RACGAP1: variants seen among roughly 807,000 people sequenced by gnomAD.
The protein encoded by RACGAP1 is Rac GTPase activating protein 1, also known as rac GTPase-activating protein 1.
In RACGAP1, 30 loss-of-function variants were observed where a neutral mutation model predicts 78.1. The observed-to-expected ratio is 0.38, with a 90% CI of 0.29 to 0.52. RACGAP1 has a LOEUF of 0.52. Among genes scored for constraint, RACGAP1 ranks in the 20% least tolerant of loss-of-function variants. The pLI, the probability that RACGAP1 is intolerant of heterozygous loss-of-function variation, is 0.82. For missense variants in RACGAP1, 587 were observed against 777.1 expected (o/e 0.76, Z 2.91); for synonymous variants, 231 against 264.8 (o/e 0.87, Z 1.24).
intron 1 of RACGAP1, among the ~76,000 whole-genome samples, chr12:50,022,373 G>C (rs569310125): frequency 1.8e-4 from 28 of 152,120 alleles, no homozygotes; most frequent in Non-Finnish European, 8.8e-5. Flanking sequence ...ACCTTAGGTC[G>C]GCAGTTTGAG....
rs1319178499 is a variant in RACGAP1, at chr12:49,999,243, G to C, written c.777C>G (p.Ser259=). The stretch of plus-strand genomic sequence containing the variant: ...GCTCCAGCTGCCTGCTGTTCAGGGT[G>C]GAGTCACTGTTCCAAGGTTGTAAAG... ...TGTLQPWNSD[S]TLNSRQLEPR... The change falls in exon 9 of 17, where the codon TCC becomes TCG. Residue 259 remains serine (S), a synonymous_variant. Coordinates refer to ENST00000312377, the MANE Select transcript of RACGAP1 (RefSeq NM_001319999.2). The C allele has an allele frequency of 2.5e-6, 4 of 1,613,886 alleles. No homozygotes were observed. In the South Asian group the frequency reaches 4.4e-5, roughly 18 times the overall value.
At chr12:50,024,877 T>C (rs745434334) in intron 1 of RACGAP1, among the ~76,000 whole-genome samples, 1 of 151,780 alleles carries the variant, frequency 6.6e-6, no homozygotes, top group African/African-American at 2.4e-5. Flanking sequence ...TGAAGAGAAA[T>C]GTACGTGAAA....
intron 2 of RACGAP1, among the ~76,000 whole-genome samples, chr12:50,031,478 C>CAAAAAAAA: frequency 1.4e-5 from 1 of 71,896 alleles, no homozygotes; most frequent in African/African-American, 4.8e-5. Context: ...GACTCCATCT[C>CAAAAAAAA]AAAAAAAAAA....
rs757681041 is a variant in RACGAP1 at position 50,000,018 on chromosome 12, A to ATTTTTTTTTTTTTTTTTTTTTTT, written c.631-286_631-285insAAAAAAAAAAAAAAAAAAAAAAA. ...AAGCATGCGCCACCACACCTGACTG[A>ATTTTTTTTTTTTTTTTTTTTTTT]TTTTTTTTTTTTTGAGACGGAGTCT... On this transcript the variant is annotated intron_variant, in intron 7 of 16. Coordinates refer to ENST00000312377, the MANE Select transcript of RACGAP1 (RefSeq NM_001319999.2). Among the ~76,000 whole-genome samples, 4 of 99,642 alleles carry ATTTTTTTTTTTTTTTTTTTTTTT rather than the reference A, an allele frequency of 4.0e-5. 2 individuals are homozygous for ATTTTTTTTTTTTTTTTTTTTTTT. Among genetic ancestry groups the ATTTTTTTTTTTTTTTTTTTTTTT allele is most frequent in the Non-Finnish European group, 7.5e-5 (4 of 53,284 alleles). The allele number at this position is 99,642 out of a possible 152,430, so 65.4% of individuals were successfully genotyped here.
intron 2 of RACGAP1, among the ~76,000 whole-genome samples, chr12:50,011,048 G>A (rs1466754784): frequency 1.3e-5 from 2 of 151,780 alleles, no homozygotes; most frequent in Middle Eastern, 3.4e-3. Flanking sequence ...GATCTAAGAA[G>A]AGTACAGGCT....
At position 49,990,176 on chromosome 12, in the gene RACGAP1, G is replaced by A; in HGVS notation, c.*92C>T. On this transcript the variant is annotated 3_prime_UTR_variant, in exon 17 of 17. Transcript: ENST00000312377. ...AGTAAAAGCCTGGAGAATGCTAAAA[G>A]TAGTAATGAGTACAGGAGGCTGCAG... 3.8e-6 allele frequency: 4 copies of A among 1,039,744 alleles called. No individual in the cohort carries two copies. The highest frequency in any genetic ancestry group is 5.8e-6 in the Non-Finnish European group (4 of 688,118). The allele number at this position is 1,039,744 out of a possible 1,614,324, so 64.4% of individuals were successfully genotyped here.
At chr12:50,001,079 C>T in intron 7 of RACGAP1, 93 bp downstream of exon 7, 2 of 1,043,834 alleles carry the variant, frequency 1.9e-6, no homozygotes, top group Non-Finnish European at 2.8e-6. Flanking sequence ...AACTAAACAT[C>T]ATGTCTCTCA....
At chr12:49,996,891 C>CG in intron 10 of RACGAP1, 149 bp downstream of exon 10, 1 of 1,280,362 alleles carries the variant, frequency 7.8e-7, no homozygotes, top group Non-Finnish European at 9.9e-7. Flanking sequence ...AAACAGGACT[C>CG]TTCTACAAGT....
chr12:50,026,042 CAAAAAT>C (rs958823029), upstream of RACGAP1, among the ~76,000 whole-genome samples: 4 of 152,130 alleles, frequency 2.6e-5, no homozygotes, highest in African/African-American at 9.7e-5. Context: ...CTCTAGAAAA[CAAAAAT>C]AAATACAAAA....
At position 49,990,070 on chromosome 12, in the gene RACGAP1, G is replaced by A. The variant is rs1260813207; in HGVS notation, c.*198C>T. ...AGCTCCCAACAATGACCAGCACAAA[G>A]TGCTGATATTATGTGACTTGAGGAG... On this transcript the variant is annotated 3_prime_UTR_variant, in exon 17 of 17. Coordinates refer to ENST00000312377, the MANE Select transcript of RACGAP1 (RefSeq NM_001319999.2). The A allele has an allele frequency of 4.2e-6, 2 of 473,372 alleles. No individual in the cohort carries two copies. The highest frequency in any genetic ancestry group is 7.6e-6 in the Non-Finnish European group (2 of 264,186). 29.3% of individuals were successfully genotyped at this position (473,372 alleles called of 1,614,324 possible).
chr12:50,014,114 T>C (rs1949511972), intron 2 of RACGAP1, among the ~76,000 whole-genome samples: 1 of 152,204 alleles, frequency 6.6e-6, no homozygotes, highest in Admixed American at 6.6e-5. Context: ...AAATATTGAA[T>C]GGCATAAGCA....
intron 1 of RACGAP1, chr12:50,031,979 G>A (rs56352326): frequency 0.045 from 6,945 of 153,322 alleles, 211 homozygotes; most frequent in Middle Eastern, 0.07. Context: ...AAACCCCATC[G>A]CTACTAAAAA....
At chr12:50,011,331 CA>C (rs34796842) in intron 2 of RACGAP1, among the ~76,000 whole-genome samples, 16,317 of 71,454 alleles carry the variant, frequency 0.23, 1,063 homozygotes, top group African/African-American at 0.37. Flanking sequence ...GAGACTGTCT[CA>C]AAAAAAAAAA....
intron 10 of RACGAP1, among the ~76,000 whole-genome samples, chr12:49,996,641 A>AAAAAAAAAAAAAAAAAAAAAAAAC (rs1948294141): frequency 8.4e-6 from 1 of 119,226 alleles, no homozygotes; most frequent in Non-Finnish European, 1.8e-5. Context: ...AAAAAAAAAA[A>AAAAAAAAAAAAAAAAAAAAAAAAC]AAAAAAAAAA....
intron 1 of RACGAP1, among the ~76,000 whole-genome samples, chr12:50,022,458 T>G (rs1414860980): frequency 1.3e-5 from 2 of 152,080 alleles, no homozygotes; most frequent in African/African-American, 4.8e-5. Flanking sequence ...GGTGCATGCC[T>G]GTAATCCCAG....
chr12:50,031,029 C>T (rs1950328507), intron 2 of RACGAP1, among the ~76,000 whole-genome samples: 1 of 151,612 alleles, frequency 6.6e-6, no homozygotes, highest in South Asian at 2.1e-4. Context: ...ATCCATCTGC[C>T]TTGGTCTCCC....
intron 15 of RACGAP1, among the ~76,000 whole-genome samples, chr12:49,991,346 A>G (rs1396558902): frequency 6.6e-6 from 1 of 150,570 alleles, no homozygotes; most frequent in South Asian, 2.1e-4. Flanking sequence ...AAAATTGAAA[A>G]ATAATGTTAA....
At chr12:50,004,167 GGA>G (rs1948839287) in intron 5 of RACGAP1, 66 bp downstream of exon 5, 1 of 1,562,082 alleles carries the variant, frequency 6.4e-7, no homozygotes, top group East Asian at 2.3e-5. Flanking sequence ...AGAGAAGACA[GGA>G]GAGATATTCC....
intron 7 of RACGAP1, among the ~76,000 whole-genome samples, chr12:50,000,905 A>T (rs1422814880): frequency 2.6e-5 from 4 of 152,164 alleles, no homozygotes; most frequent in Non-Finnish European, 5.9e-5. Flanking sequence ...AAAATTAGCC[A>T]GACGTGGTGG....
Sources: gnomAD v4.1 joint callset for allele counts (sites outside exome capture counted in the v4.1 genomes callset) on GRCh38, gnomAD v4.1.1 for gene constraint, MANE v1.5 for transcripts, NCBI Gene and HGNC (gene_info 2026-07-23, HGNC 2026-07-21) for gene names.